Variants in APOB observed in about 807,000 individuals in gnomAD.
The protein encoded by APOB is apolipoprotein B-100.
Under a neutral mutation model 314.1 loss-of-function variants are expected in APOB, and 153 were observed. That is an observed-to-expected ratio of 0.49 (90% confidence interval 0.43 to 0.56). The LOEUF is 0.56. APOB is among the 20% of genes least tolerant of loss of function. The pLI, the probability that APOB is intolerant of heterozygous loss-of-function variation, is 0.00. For synonymous variants in APOB, 2,087 were observed against 2,036.4 expected (o/e 1.02, Z -0.67); for missense variants, 5,430 against 5,350.7 (o/e 1.01, Z -0.46).
rs763341676 is a variant in APOB, at chr2:21,001,846, G to T, written c.13576C>A (p.Gln4526Lys). ...ESKRLIDLSI[Q>K]NYHTFLIYIT... Reference sequence around the variant, plus strand: ...TATATCAGAAATGTGTGGTAGTTTTGAATGGACAGGTCAATCAATCTTTTG... The same window carrying T: ...TATATCAGAAATGTGTGGTAGTTTTTAATGGACAGGTCAATCAATCTTTTG... The change falls in exon 29 of 29, where the codon CAA becomes AAA. Residue 4526 changes from glutamine to lysine, a missense_variant. Gln to Lys is a moderately conservative substitution (Grantham distance 53). Coordinates refer to ENST00000233242, the MANE Select transcript of APOB (RefSeq NM_000384.3). 12 of 1,614,022 alleles carry T rather than the reference G, an allele frequency of 7.4e-6. No individual in the cohort carries two copies. The highest frequency in any genetic ancestry group is 8.5e-7 in the Non-Finnish European group (1 of 1,179,956).
rs753338783 is a variant in APOB at position 21,002,540 on chromosome 2, C to G, written c.12882G>C (p.Glu4294Asp). ...FKAIQSLKTT[E>D]VLRNLQDLLQ... is the part of the protein sequence containing the mutation. Reference sequence around the variant, plus strand: ...AAAGGTCCTGAAGATTACGTAGCACCTCTGTGGTCTTGAGAGACTGAATGG... The same window carrying G: ...AAAGGTCCTGAAGATTACGTAGCACGTCTGTGGTCTTGAGAGACTGAATGG... The change falls in exon 29 of 29, where the codon GAG becomes GAC. Residue 4294 changes from glutamate (E) to aspartate (D), a missense_variant. By Grantham distance (45) the Glu-to-Asp change is conservative (BLOSUM62 2). Coordinates refer to ENST00000233242, the MANE Select transcript of APOB (RefSeq NM_000384.3). 6.2e-7 allele frequency: 1 copy of G among 1,613,838 alleles called. No homozygotes were observed. Among genetic ancestry groups the G allele is most frequent in the Non-Finnish European group, 8.5e-7 (1 of 1,179,866 alleles).
At chr2:21,028,158 C>CA in intron 13 of APOB, 93 bp from the exon 14 acceptor site, 1 of 1,180,308 alleles carries the variant, frequency 8.5e-7, no homozygotes, top group Non-Finnish European at 1.3e-6. Flanking sequence ...CAATCACTAC[C>CA]AAAATGTCTT....
In APOB at chr2:21,005,924, G is replaced by A. The variant is rs370314131; in HGVS notation, c.10944C>T (p.Val3648=). 1.9e-5 allele frequency: 30 copies of A among 1,613,690 alleles called. No individual in the cohort carries two copies. In the African/African-American group the frequency reaches 2.7e-4, roughly 14 times the overall value. The change falls in exon 26 of 29, where the codon GTC becomes GTT. Residue 3648 remains valine, a synonymous_variant. Coordinates refer to ENST00000233242, the MANE Select transcript of APOB (RefSeq NM_000384.3). ...RIHSGSFQSQ[V]ELSNDQEKAH... ...CCTTTTCTTGGTCATTGGAAAGCTCGACCTGGCTCTGGAAAGACCCAGAAT... is the reference window on the plus strand; with the variant it reads ...CCTTTTCTTGGTCATTGGAAAGCTCAACCTGGCTCTGGAAAGACCCAGAAT...
At chr2:21,041,180 G>T in intron 3 of APOB, 97 bp from the exon 4 acceptor site, 1 of 1,300,626 alleles carries the variant, frequency 7.7e-7, no homozygotes, top group Non-Finnish European at 1.1e-6. Flanking sequence ...AGCACCAAAG[G>T]GAATGGTGCT....
rs1448468665 is a variant in APOB, at chr2:21,010,904, G to A, written c.5964C>T (p.Asn1988=). 6.2e-7 allele frequency: 1 copy of A among 1,614,114 alleles called. No homozygotes were observed. Among genetic ancestry groups the A allele is most frequent in the Non-Finnish European group, 8.5e-7 (1 of 1,180,000 alleles). The change falls in exon 26 of 29, where the codon AAC becomes AAT. Residue 1988 remains asparagine, a synonymous_variant. Transcript: ENST00000233242. ...TGTWKLKTQF[N]NNEYSQDLDA... The stretch of plus-strand genomic sequence containing the variant: ...CCAAGTCCTGGCTGTATTCATTGTT[G>A]TTAAATTGGGTCTTGAGTTTCCAGG...
chr2:21,043,623 A>G (rs1664190168), intron 1 of APOB, 72 bp from the exon 2 acceptor site: 1 of 1,549,774 alleles, frequency 6.5e-7, no homozygotes, highest in Non-Finnish European at 8.7e-7. Context: ...CGACAGGGGG[A>G]CCACCGGCAC....
intron 3 of APOB, 30 bp from the exon 4 acceptor site, chr2:21,041,113 G>T (rs1411525093): frequency 1.9e-6 from 3 of 1,605,278 alleles, no homozygotes; most frequent in Admixed American, 3.4e-5. Flanking sequence ...GAGCATTGAG[G>T]TTGTCTATCA....
chr2:21,016,677 G>GTT (rs1663474821), intron 20 of APOB, 28 bp from the exon 21 acceptor site: 1 of 1,456,242 alleles, frequency 6.9e-7, no homozygotes, highest in Non-Finnish European at 9.7e-7. Context: ...AGAATCAAGA[G>GTT]ATGTGTGGTA....
At position 21,014,441 on chromosome 2, in the gene APOB, CT is replaced by C; in HGVS notation, c.3842+6del. On this transcript the variant is annotated splice_donor_region_variant and intron_variant, in intron 24 of 28. Coordinates refer to ENST00000233242, the MANE Select transcript of APOB (RefSeq NM_000384.3). ...GTTCAAGAAGCCTTGCTGCTTTCTT[CT>C]TTTACCTTTTTAAGAAGAGGTTTTC... is the stretch of plus-strand genomic sequence containing the variant. 2 of 1,614,054 alleles carry C rather than the reference CT, an allele frequency of 1.2e-6. No individual in the cohort carries two copies. The highest frequency in any genetic ancestry group is 1.7e-6 in the Non-Finnish European group (2 of 1,179,960).
In APOB at chr2:21,011,769, T is replaced by C. The variant is rs764352808; in HGVS notation, c.5099A>G (p.Asp1700Gly). ...TAGCTCTGTGAGGGCGGCTTTCCCA[T>C]CCAGACTGAATTTTGCATTGTGTTC... ...FREHNAKFSL[D>G]GKAALTELSL... Residue 1700 changes from aspartate (D) to glycine (G), a missense_variant, in exon 26 of 29, where the codon GAT becomes GGT. Asp to Gly is a moderately conservative substitution (Grantham distance 94). This residue lies in a region of APOB where 2,085 missense variants were observed against 2,079.7 expected (regional missense o/e 1.00). Coordinates refer to ENST00000233242, the MANE Select transcript of APOB (RefSeq NM_000384.3). 1.9e-6 allele frequency: 3 copies of C among 1,613,970 alleles called. No individual in the cohort carries two copies. The highest frequency in any genetic ancestry group is 1.7e-5 in the Admixed American group (1 of 59,992).
chr2:21,027,383 G>A lies in APOB; in HGVS notation c.2068-419C>T, dbSNP rs78504102. 7.4e-4 allele frequency among the ~76,000 whole-genome samples: 104 copies of A among 140,262 alleles called. 2 individuals carry two copies. The East Asian group carries it at 0.018, about 24-fold the overall frequency. The allele number at this position is 140,262 out of a possible 152,430, so 92.0% of individuals were successfully genotyped here. On this transcript the variant is annotated intron_variant, in intron 14 of 28. Transcript: ENST00000233242. ...CTGGAGCGCAGTGGCGCAATCTCTCGGCTCACTGCAAGCTCAGCCTCCTGG... is the reference window on the plus strand; with the variant it reads ...CTGGAGCGCAGTGGCGCAATCTCTCAGCTCACTGCAAGCTCAGCCTCCTGG...
rs1663227422 is a variant in APOB at position 21,008,960 on chromosome 2, T to C, written c.7908A>G (p.Leu2636=). The change falls in exon 26 of 29, where the codon TTA becomes TTG. Residue 2636 remains leucine, a synonymous_variant. Transcript: ENST00000233242. ...IPSVQINFKD[L]KNIKIPSRFS... is the part of the protein sequence containing the mutation. ...ACCTGGATGGGATTTTTATATTTTT[T>C]AAGTCTTTGAAGTTTATCTGAACTG... is the stretch of plus-strand genomic sequence containing the variant. The C allele has an allele frequency of 1.2e-6, 2 of 1,613,926 alleles. No individual in the cohort carries two copies. Among genetic ancestry groups the C allele is most frequent in the African/African-American group, 1.3e-5 (1 of 74,914 alleles).
chr2:21,021,192 C>G (rs183603039), intron 18 of APOB, among the ~76,000 whole-genome samples: 1 of 152,322 alleles, frequency 6.6e-6, no homozygotes, highest in East Asian at 1.9e-4. Flanking sequence ...AGCTCTCCCA[C>G]TGTAGTTCTT....
Position 21,006,336 on chromosome 2 carries a change from C to T in APOB, c.10532G>A (p.Gly3511Glu), listed in dbSNP as rs775790610. ...KGSVLSREYS[G>E]TIASEANTYL... ...AGTGTTGGCCTCACTAGCAATAGTT[C>T]CTGAATATTCCCGAGAAAGAACCGA... The change falls in exon 26 of 29, where the codon GGA becomes GAA. Residue 3511 changes from glycine to glutamate, a missense_variant. Gly to Glu is a moderately conservative substitution (Grantham distance 98). Transcript: ENST00000233242. 1.2e-6 allele frequency: 2 copies of T among 1,613,892 alleles called. No individual in the cohort carries two copies. Among genetic ancestry groups the T allele is most frequent in the Non-Finnish European group, 1.7e-6 (2 of 1,179,968 alleles).
Position 21,007,605 on chromosome 2 carries a change from T to C in APOB, c.9263A>G (p.Gln3088Arg). The part of the protein sequence containing the change: ...LSPSAQQASW[Q>R]VSARFNQYKY... ...ATACTGATTGAACCTAGCACTTACT[T>C]GCCAACTTGCTTGCTGGGCACTGGG... Residue 3088 changes from glutamine (Q) to arginine (R), a missense_variant, in exon 26 of 29, where the codon CAA becomes CGA. Gln to Arg is a conservative substitution (Grantham distance 43). Coordinates refer to ENST00000233242, the MANE Select transcript of APOB (RefSeq NM_000384.3). The C allele has an allele frequency of 6.2e-7, 1 of 1,614,100 alleles. No homozygotes were observed. Among genetic ancestry groups the C allele is most frequent in the Non-Finnish European group, 8.5e-7 (1 of 1,179,962 alleles).
intron 6 of APOB, among the ~76,000 whole-genome samples, chr2:21,035,939 C>T (rs1663992189): frequency 6.6e-6 from 1 of 152,180 alleles, no homozygotes; most frequent in Non-Finnish European, 1.5e-5. Flanking sequence ...AATGTCTAAA[C>T]TTTGTATCCT....
At position 21,010,479 on chromosome 2, in the gene APOB, T is replaced by C. The variant is rs1359479064; in HGVS notation, c.6389A>G (p.Asn2130Ser). 5 of 1,610,972 alleles carry C rather than the reference T, an allele frequency of 3.1e-6. No individual in the cohort carries two copies. The highest frequency in any genetic ancestry group is 1.3e-5 in the African/African-American group (1 of 74,892). The part of the protein sequence containing the change: ...QQANDYLNSF[N>S]WERQVSHAKE... ...GGCATGTGAAACTTGTCTCTCCCAA[T>C]TGAATGAATTCAGATAATCATTAGC... The change falls in exon 26 of 29, where the codon AAT becomes AGT. Residue 2130 changes from asparagine to serine, a missense_variant. Transcript: ENST00000233242.
At chr2:21,018,527 G>C (rs886243840) in intron 20 of APOB, among the ~76,000 whole-genome samples, 14 of 152,114 alleles carry the variant, frequency 9.2e-5, no homozygotes, top group Non-Finnish European at 2.1e-4. Context: ...CTTTGCACTT[G>C]CTGGTCCCTC....
chr2:21,040,861 G>C (rs902323139), intron 4 of APOB, 77 bp downstream of exon 4: 2 of 1,521,226 alleles, frequency 1.3e-6, no homozygotes, highest in South Asian at 2.3e-5. Context: ...AGTCACATCC[G>C]TGCCTGGTGC....
Sources: allele counts gnomAD v4.1 joint callset (sites outside exome capture counted in the v4.1 genomes callset), GRCh38; gene constraint gnomAD v4.1.1; regional missense constraint gnomAD v4.1.1; transcripts MANE v1.5; gene names NCBI Gene and HGNC (gene_info 2026-07-23, HGNC 2026-07-21).